Variants in SH3PXD2A observed in about 807,000 individuals in gnomAD.
The protein encoded by SH3PXD2A is SH3 and PX domains 2A.
Under a neutral mutation model 115.2 loss-of-function variants are expected in SH3PXD2A, and 32 were observed. The ratio of observed to expected loss-of-function variants is 0.28; its 90% CI spans 0.21 to 0.37. SH3PXD2A has a LOEUF of 0.37. Ranked by LOEUF, SH3PXD2A falls within the 10% of genes least tolerant of loss-of-function variation. The pLI is 1.00. For synonymous variants in SH3PXD2A, 610 were observed against 629.1 expected, an observed-to-expected ratio of 0.97 and a Z score of 0.45; for missense variants, 1,328 against 1,498.7, an observed-to-expected ratio of 0.89 and a Z score of 1.88.
chr10:103,735,987 A>T (rs2038376329), intron 3 of SH3PXD2A, among the ~76,000 whole-genome samples, 179 bp from the exon 4 acceptor site: 1 of 152,152 alleles, frequency 6.6e-6, no homozygotes. Context: ...GAGGCGCCCT[A>T]GGCTGAGAGC....
chr10:103,694,674 T>C (rs550291172), intron 5 of SH3PXD2A, among the ~76,000 whole-genome samples: 1 of 152,298 alleles, frequency 6.6e-6, no homozygotes, highest in Admixed American at 6.5e-5. Context: ...ATCCATTTTA[T>C]AGATTAGGAA....
At chr10:103,728,904 T>C (rs2038279683) in intron 4 of SH3PXD2A, among the ~76,000 whole-genome samples, 1 of 150,760 alleles carries the variant, frequency 6.6e-6, no homozygotes, top group South Asian at 2.1e-4. Flanking sequence ...TTTGTTTTTT[T>C]TTTTTTGAGA....
At chr10:103,745,010 T>C (rs1197038614) in intron 3 of SH3PXD2A, among the ~76,000 whole-genome samples, 2 of 152,216 alleles carry the variant, frequency 1.3e-5, no homozygotes, top group Admixed American at 1.3e-4. Flanking sequence ...GGGCTGATCA[T>C]TAAGTACAGT....
At chr10:103,692,939 G>GC in intron 6 of SH3PXD2A, 89 bp downstream of exon 6, 1 of 579,590 alleles carries the variant, frequency 1.7e-6, no homozygotes, top group South Asian at 1.6e-5. Context: ...CCCCCTCCCC[G>GC]CCCCCAAGAA....
At chr10:103,815,254 G>A (rs1589467182) in intron 1 of SH3PXD2A, among the ~76,000 whole-genome samples, 2 of 151,908 alleles carry the variant, frequency 1.3e-5, no homozygotes, top group South Asian at 4.1e-4. Context: ...ACATCAGCAA[G>A]AAAGTAAAAG....
rs935166020 is a variant in SH3PXD2A at position 103,784,635 on chromosome 10, G to A, written c.153+16647C>T. Reference sequence around the variant, plus strand: ...TGCAGCACAGAGAAGCACTGGCAGCGGCTGGCTGGAGGGCAGGACAGTCCC... The same window carrying A: ...TGCAGCACAGAGAAGCACTGGCAGCAGCTGGCTGGAGGGCAGGACAGTCCC... On this transcript the variant is annotated intron_variant, in intron 2 of 14. Transcript: ENST00000369774. This position sits in a 1 kb window ranked among gnomAD's most constrained non-coding sequence, Gnocchi z 4.4. 3.3e-5 allele frequency among the ~76,000 whole-genome samples: 5 copies of A among 152,132 alleles called. No homozygotes were observed. Among genetic ancestry groups the A allele is most frequent in the East Asian group, 1.9e-4 (1 of 5,200 alleles).
At chr10:103,736,735 G>T in intron 3 of SH3PXD2A, 1 of 1,282,660 alleles carries the variant, frequency 7.8e-7, no homozygotes, top group Non-Finnish European at 1.0e-6. Context: ...TAGCACTTGT[G>T]ACCCATTTTG....
chr10:103,698,630 A>T (rs1471840201), intron 5 of SH3PXD2A, among the ~76,000 whole-genome samples: 1 of 151,366 alleles, frequency 6.6e-6, no homozygotes, highest in African/African-American at 2.4e-5. Context: ...GAGGTACATA[A>T]TGATTTTGAC....
At chr10:103,697,028 G>T (rs942434777) in intron 5 of SH3PXD2A, among the ~76,000 whole-genome samples, 1 of 152,042 alleles carries the variant, frequency 6.6e-6, no homozygotes, top group Non-Finnish European at 1.5e-5. Context: ...CCCCATCCCC[G>T]GGTGATACGG....
rs2036152886 is a variant in SH3PXD2A, at chr10:103,597,498, C to T, written c.*4318G>A. 1 of 152,384 alleles carries T rather than the reference C, an allele frequency of 6.6e-6. No individual in the cohort carries two copies. The highest frequency in any genetic ancestry group is 1.9e-4 in the East Asian group (1 of 5,186). 9.4% of individuals were successfully genotyped at this position (152,384 alleles called of 1,614,324 possible). On this transcript the variant is annotated 3_prime_UTR_variant, in exon 15 of 15. Coordinates refer to ENST00000369774, the MANE Select transcript of SH3PXD2A (RefSeq NM_001394015.1). ...CAGCTCCCGAGGGCCTGCCTCTGCT[C>T]CAGGGACTGGGGCCTAGAGGTCAAG...
intron 5 of SH3PXD2A, among the ~76,000 whole-genome samples, chr10:103,702,596 C>CGTGTGTGTGCGTGTGTGTGTGTGTGTGT (rs1554913267): frequency 6.8e-6 from 1 of 147,448 alleles, no homozygotes; most frequent in African/African-American, 2.5e-5. Flanking sequence ...TGTGTGTGTG[C>CGTGTGTGTGCGTGTGTGTGTGTGTGTGT]GTGTGTGTGT....
At chr10:103,833,137 A>AT (rs2039498620) in intron 1 of SH3PXD2A, among the ~76,000 whole-genome samples, 2 of 152,242 alleles carry the variant, frequency 1.3e-5, no homozygotes, top group African/African-American at 4.8e-5. Context: ...GGTATAGAAT[A>AT]TTCTAAATAT....
intron 10 of SH3PXD2A, among the ~76,000 whole-genome samples, chr10:103,621,739 G>A (rs2036606936): frequency 6.6e-6 from 1 of 152,234 alleles, no homozygotes; most frequent in African/African-American, 2.4e-5. Flanking sequence ...TTACCTCCCA[G>A]GTTCCTGGAT....
At chr10:103,798,064 C>G (rs1434518737) in intron 2 of SH3PXD2A, among the ~76,000 whole-genome samples, 1 of 152,068 alleles carries the variant, frequency 6.6e-6, no homozygotes, top group Non-Finnish European at 1.5e-5. Flanking sequence ...GAGGCCGCCT[C>G]GTGGGTGCCT....
chr10:103,805,374 A>C (rs2039191713), intron 1 of SH3PXD2A, among the ~76,000 whole-genome samples: 1 of 152,208 alleles, frequency 6.6e-6, no homozygotes, highest in African/African-American at 2.4e-5. Flanking sequence ...ACCCCAGCCC[A>C]GCCGCTCAGG....
chr10:103,744,223 G>A (rs564526894), intron 3 of SH3PXD2A, among the ~76,000 whole-genome samples: 27 of 149,902 alleles, frequency 1.8e-4, no homozygotes, highest in South Asian at 1.5e-3. Flanking sequence ...GCATGATCTC[G>A]GCTCACCGCA....
At chr10:103,642,318 C>T (rs2036967865) in intron 8 of SH3PXD2A, among the ~76,000 whole-genome samples, 1 of 152,196 alleles carries the variant, frequency 6.6e-6, no homozygotes, top group Non-Finnish European at 1.5e-5. Flanking sequence ...GAGCCTGTGG[C>T]CCGCTCTTTC....
chr10:103,670,585 A>G (rs909885830), intron 6 of SH3PXD2A, among the ~76,000 whole-genome samples: 9 of 152,150 alleles, frequency 5.9e-5, no homozygotes, highest in Non-Finnish European at 1.5e-5. Context: ...GCACCAAGAA[A>G]AAGCTGGCAC....
At chr10:103,651,315 C>T (rs982374776) in intron 8 of SH3PXD2A, among the ~76,000 whole-genome samples, 20 of 152,322 alleles carry the variant, frequency 1.3e-4, no homozygotes, top group African/African-American at 4.8e-4. Flanking sequence ...GGTGGGAATG[C>T]TCGTGCAACT....
Sources: allele counts gnomAD v4.1 joint callset (sites outside exome capture counted in the v4.1 genomes callset), GRCh38; gene constraint gnomAD v4.1.1; non-coding constraint Gnocchi (gnomAD v3.1); transcripts MANE v1.5; gene names NCBI Gene and HGNC (gene_info 2026-07-23, HGNC 2026-07-21).